The following FAM186B variants were observed in gnomAD, a reference collection of about 807,000 sequenced individuals.
The protein encoded by FAM186B is family with sequence similarity 186 member B.
A neutral mutation model predicts 83.4 loss-of-function variants in FAM186B; 68 were observed. That is an observed-to-expected ratio of 0.81 (90% confidence interval 0.67 to 1.00). The LOEUF (loss-of-function observed/expected upper bound fraction) is 1.00, where lower values mean the gene tolerates loss of function less well. FAM186B is among the 50% of genes least tolerant of loss of function. The pLI is 0.00. For missense variants in FAM186B, 983 were observed against 1,099.2 expected, an observed-to-expected ratio of 0.89 and a Z score of 1.49; for synonymous variants, 389 against 422.0, an observed-to-expected ratio of 0.92 and a Z score of 0.96.
chr12:49,606,486 G>GACACACACACACAC (rs57458344), upstream of FAM186B, among the ~76,000 whole-genome samples: 3 of 136,088 alleles, frequency 2.2e-5, no homozygotes, highest in African/African-American at 8.2e-5. Context: ...TAGATACCCT[G>GACACACACACACAC]ACACACACAC....
chr12:49,600,453 G>A lies in FAM186B; in HGVS notation c.1187C>T (p.Thr396Ile). 2 of 1,613,556 alleles carry A rather than the reference G, an allele frequency of 1.2e-6. No homozygotes were observed. The highest frequency in any genetic ancestry group is 1.7e-6 in the Non-Finnish European group (2 of 1,179,632). The change falls in exon 4 of 7, where the codon ACT (threonine) becomes ATT (isoleucine). Residue 396 changes from threonine (T) to isoleucine (I), a missense_variant. Coordinates refer to ENST00000257894, the MANE Select transcript of FAM186B (RefSeq NM_032130.3). The surrounding 1 kb of genome is among the most constrained non-coding windows in gnomAD (Gnocchi z 4.3). Reference protein sequence around the residue: ...AAGHQPLSTMTVRSRVADVFG... With the variant: ...AAGHQPLSTMIVRSRVADVFG... ...CACATCTGCGACCCTCGAGCGCACA[G>A]TCATGGTGGAAAGTGGCTGGTGCCC...
At position 49,599,468 on chromosome 12, in the gene FAM186B, C is replaced by A; in HGVS notation, c.2171+1G>T. 6.6e-7 allele frequency: 1 copy of A among 1,525,640 alleles called. No individual in the cohort carries two copies. The highest frequency in any genetic ancestry group is 8.8e-7 in the Non-Finnish European group (1 of 1,139,112). The allele number at this position is 1,525,640 out of a possible 1,614,324, so 94.5% of individuals were successfully genotyped here. A position where few individuals can be genotyped will look rare whatever the true frequency, so the allele number is the denominator to read the frequency against. On this transcript the variant is annotated splice_donor_variant, in intron 4 of 6. Coordinates refer to ENST00000257894, the MANE Select transcript of FAM186B (RefSeq NM_032130.3). LOFTEE classifies it high-confidence loss of function. Reference sequence around the variant, plus strand: ...CCAGGTGGGTTCCAGGGAGGACCTACCGGAGGCTCTGGAGGCGTCTATAGA... The same window carrying A: ...CCAGGTGGGTTCCAGGGAGGACCTAACGGAGGCTCTGGAGGCGTCTATAGA...
At chr12:49,609,034 G>A (rs145058179), upstream of FAM186B, among the ~76,000 whole-genome samples, 38 of 152,318 alleles carry the variant, frequency 2.5e-4, 1 homozygote, top group Middle Eastern at 3.4e-3. Flanking sequence ...AGAGATTGGA[G>A]TGCCTGCTCT....
At chr12:49,610,646 C>T in the FAM186B span, among the ~76,000 whole-genome samples, 7 of 151,800 alleles carry the variant, frequency 4.6e-5, no homozygotes, top group East Asian at 3.9e-4. Flanking sequence ...AAAAACTAGC[C>T]GGACACGGTC....
chr12:49,585,978 T>C (rs1266838132), downstream of FAM186B, among the ~76,000 whole-genome samples: 1 of 151,764 alleles, frequency 6.6e-6, no homozygotes, highest in Non-Finnish European at 1.5e-5. Flanking sequence ...CCCAAGACAA[T>C]GCAGGGAGCC....
intron 3 of FAM186B, among the ~76,000 whole-genome samples, chr12:49,601,631 T>G (rs1390031810): frequency 1.3e-5 from 2 of 152,018 alleles, no homozygotes; most frequent in Non-Finnish European, 1.5e-5. Flanking sequence ...GTTTTTTTTT[T>G]TTAATAACTA....
At chr12:49,611,763 G>A in the FAM186B span, among the ~76,000 whole-genome samples, 147 of 141,860 alleles carry the variant, frequency 1.0e-3, no homozygotes, top group African/African-American at 3.8e-3. Flanking sequence ...GGAGGCTGAG[G>A]CAGGAGAATC....
chr12:49,584,594 T>A, downstream of FAM186B: 1 of 702,410 alleles, frequency 1.4e-6, no homozygotes, highest in Non-Finnish European at 2.6e-6. Flanking sequence ...CTGGCATTCC[T>A]TCCTTTGGTT....
chr12:49,594,290 C>G (rs1271982450), intron 5 of FAM186B: 1 of 204,808 alleles, frequency 4.9e-6, no homozygotes, highest in East Asian at 1.3e-4. Flanking sequence ...AATGTCTTCA[C>G]TTACACCTGA....
chr12:49,598,350 C>A (rs183058404), intron 5 of FAM186B, among the ~76,000 whole-genome samples: 1 of 152,128 alleles, frequency 6.6e-6, no homozygotes, highest in African/African-American at 2.4e-5. Context: ...GTGAAGATGA[C>A]GGCTGTGCAC....
intron 5 of FAM186B, chr12:49,594,167 TA>T: frequency 7.2e-6 from 2 of 278,530 alleles, no homozygotes; most frequent in Non-Finnish European, 7.5e-6. Flanking sequence ...GAAAATGAAA[TA>T]AAATCCAGGG....
At chr12:49,617,826 CAGG>C in the FAM186B span, among the ~76,000 whole-genome samples, 12 of 152,122 alleles carry the variant, frequency 7.9e-5, no homozygotes, top group Non-Finnish European at 1.6e-4. Context: ...GACAGGGAAA[CAGG>C]AGAAGAGACG....
chr12:49,604,974 C>T (rs1939979159), intron 1 of FAM186B, among the ~76,000 whole-genome samples: 1 of 152,106 alleles, frequency 6.6e-6, no homozygotes, highest in Non-Finnish European at 1.5e-5. Flanking sequence ...GTACTAGAGC[C>T]TCGTGTACAG....
intron 6 of FAM186B, 46 bp downstream of exon 6, chr12:49,588,408 C>G: frequency 1.3e-6 from 2 of 1,573,304 alleles, no homozygotes; most frequent in South Asian, 2.3e-5. Flanking sequence ...TGCTCCCTGC[C>G]TCTTCACCCA....
Position 49,605,474 on chromosome 12 carries a change from C to T in FAM186B, c.4G>A (p.Glu2Lys), listed in dbSNP as rs1339052391. ...ACCAACTGTGGGGGGTCATCCTTCT[C>T]CATTTTGGATCACTCTGTCAGTCAC... MEKDDPPQLVTP... is the reference protein window; with the variant it reads MKKDDPPQLVTP... Residue 2 changes from glutamate to lysine, a missense_variant, in exon 1 of 7, where the codon GAG (glutamate) becomes AAG (lysine). Coordinates refer to ENST00000257894, the MANE Select transcript of FAM186B (RefSeq NM_032130.3). The T allele has an allele frequency of 6.2e-7, 1 of 1,613,056 alleles. No homozygotes were observed. The highest frequency in any genetic ancestry group is 8.5e-7 in the Non-Finnish European group (1 of 1,179,614).
At chr12:49,603,592 A>C (rs766104479) in intron 2 of FAM186B, among the ~76,000 whole-genome samples, 1 of 152,236 alleles carries the variant, frequency 6.6e-6, no homozygotes, top group Non-Finnish European at 1.5e-5. Flanking sequence ...AACAGTTAAC[A>C]TGAGGCCTGC....
At chr12:49,613,746 G>A in the FAM186B span, among the ~76,000 whole-genome samples, 1 of 151,744 alleles carries the variant, frequency 6.6e-6, no homozygotes, top group Non-Finnish European at 1.5e-5. Flanking sequence ...GGCTGAGGCG[G>A]GAGGATCACT....
At chr12:49,587,860 CA>C (rs1203130435) in intron 6 of FAM186B, 108 bp from the exon 7 acceptor site, 1 of 1,249,724 alleles carries the variant, frequency 8.0e-7, no homozygotes, top group African/African-American at 1.5e-5. Context: ...CTTCCCTTCT[CA>C]AATCGAGTGT....
the FAM186B span, among the ~76,000 whole-genome samples, chr12:49,611,133 G>T: frequency 2.6e-5 from 4 of 152,140 alleles, no homozygotes; most frequent in Admixed American, 6.5e-5. Context: ...AGCACTTTGG[G>T]AGGCTGAGGC....
Sources: allele counts gnomAD v4.1 joint callset (sites outside exome capture counted in the v4.1 genomes callset), GRCh38; gene constraint gnomAD v4.1.1; non-coding constraint Gnocchi (gnomAD v3.1); transcripts MANE v1.5; gene names NCBI Gene and HGNC (gene_info 2026-07-23, HGNC 2026-07-21).